LRBA: variants seen among roughly 807,000 people sequenced by gnomAD.
The protein encoded by LRBA is LPS responsive beige-like anchor protein.
In LRBA, 176 loss-of-function variants were observed where a neutral mutation model predicts 330.0. That is an observed-to-expected ratio of 0.53 (90% CI 0.47 to 0.60). The LOEUF (loss-of-function observed/expected upper bound fraction) is 0.60, where lower values mean the gene tolerates loss of function less well. Ranked by LOEUF, LRBA falls within the 20% of genes least tolerant of loss-of-function variation. The pLI, the probability that LRBA is intolerant of heterozygous loss-of-function variation, is 0.00. For synonymous variants in LRBA, 1,230 were observed against 1,193.0 expected (o/e 1.03, Z -0.64); for missense variants, 3,259 against 3,444.8 (o/e 0.95, Z 1.35).
At chr4:150,915,011 G>A (rs933275166) in intron 8 of LRBA, among the ~76,000 whole-genome samples, 1 of 152,098 alleles carries the variant, frequency 6.6e-6, no homozygotes, top group African/African-American at 2.4e-5. Context: ...AAGTCTGTCT[G>A]ATTCAAGACC....
At chr4:150,848,562 G>GAAAAA (rs9331496) in intron 26 of LRBA, among the ~76,000 whole-genome samples, 2 of 120,044 alleles carry the variant, frequency 1.7e-5, no homozygotes, top group African/African-American at 3.2e-5. Context: ...GGAGAAAAAA[G>GAAAAA]AAAAAAAAAA....
In LRBA at chr4:150,928,527, T is replaced by C; in HGVS notation, c.538A>G (p.Lys180Glu). The change falls in exon 4 of 57, where the codon AAA becomes GAA. Residue 180 changes from lysine to glutamate, a missense_variant. Physicochemically the swap from Lys to Glu is moderately conservative, Grantham distance 56. Coordinates refer to ENST00000651943, the MANE Select transcript of LRBA (RefSeq NM_001364905.1). ...KLFFSKLQGDKGRWPPHAGKL... is the reference protein window; with the variant it reads ...KLFFSKLQGDEGRWPPHAGKL... Reference sequence around the variant, plus strand: ...TTAAGTTTTTTTACCCATCGTCCTTTATCTCCTTGAAGTTTACTGAAGAAA... The same window carrying C: ...TTAAGTTTTTTTACCCATCGTCCTTCATCTCCTTGAAGTTTACTGAAGAAA... The C allele has an allele frequency of 6.2e-7, 1 of 1,613,044 alleles. No homozygotes were observed. Among genetic ancestry groups the C allele is most frequent in the Non-Finnish European group, 8.5e-7 (1 of 1,179,314 alleles).
At chr4:150,607,349 G>A (rs1299535278) in intron 37 of LRBA, among the ~76,000 whole-genome samples, 1 of 152,016 alleles carries the variant, frequency 6.6e-6, no homozygotes, top group African/African-American at 2.4e-5. Flanking sequence ...CATATCTGAG[G>A]TAGAATAGAT....
At chr4:150,469,912 G>C (rs1354516639) in intron 43 of LRBA, among the ~76,000 whole-genome samples, 1 of 152,184 alleles carries the variant, frequency 6.6e-6, no homozygotes, top group Non-Finnish European at 1.5e-5. Flanking sequence ...GCAGGGCGTG[G>C]TGGCTCACGC....
intron 46 of LRBA, 83 bp downstream of exon 46, chr4:150,435,506 T>C (rs148266407): frequency 2.3e-6 from 3 of 1,290,980 alleles, no homozygotes; most frequent in Non-Finnish European, 2.2e-6. Context: ...AATAGGGCTG[T>C]ATGGCAGTAG....
chr4:150,850,943 T>A, intron 23 of LRBA, 41 bp from the exon 24 acceptor site: 1 of 1,438,992 alleles, frequency 6.9e-7, no homozygotes, highest in Non-Finnish European at 9.6e-7. Context: ...AGGTTCAACT[T>A]CAGCAGGAGG....
At chr4:150,294,929 GAC>G (rs1728780617) in intron 53 of LRBA, among the ~76,000 whole-genome samples, 1 of 151,864 alleles carries the variant, frequency 6.6e-6, no homozygotes, top group African/African-American at 2.4e-5. Context: ...CCAGCCTGGT[GAC>G]AGAGAGATAC....
At chr4:150,335,432 T>C (rs950858191) in intron 48 of LRBA, among the ~76,000 whole-genome samples, 7 of 148,948 alleles carry the variant, frequency 4.7e-5, no homozygotes, top group South Asian at 2.1e-4. Flanking sequence ...CATATATACA[T>C]ATATATATAC....
intron 2 of LRBA, among the ~76,000 whole-genome samples, chr4:150,989,569 C>T (rs1179940934): frequency 1.3e-5 from 2 of 152,000 alleles, no homozygotes; most frequent in African/African-American, 2.4e-5. Context: ...GCCGAGATCA[C>T]GCCACTGCAC....
intron 47 of LRBA, among the ~76,000 whole-genome samples, chr4:150,412,719 G>A (rs546974572): frequency 5.3e-5 from 8 of 151,826 alleles, no homozygotes; most frequent in African/African-American, 1.7e-4. Flanking sequence ...ACAGAAAACC[G>A]ATTCCCTTGA....
chr4:150,582,376 C>T (rs1311851776), intron 40 of LRBA: 1 of 151,884 alleles, frequency 6.6e-6, no homozygotes, highest in Non-Finnish European at 1.5e-5. Flanking sequence ...ACGAGACCAA[C>T]ACGCTGAGAC....
intron 2 of LRBA, among the ~76,000 whole-genome samples, chr4:150,939,944 C>T (rs1373892180): frequency 6.6e-6 from 1 of 152,060 alleles, no homozygotes; most frequent in Non-Finnish European, 1.5e-5. Flanking sequence ...CAAGGTAACA[C>T]ACTGAACTTA....
At chr4:150,875,012 G>T (rs1192672372) in intron 17 of LRBA, among the ~76,000 whole-genome samples, 1 of 151,956 alleles carries the variant, frequency 6.6e-6, no homozygotes, top group Non-Finnish European at 1.5e-5. Flanking sequence ...AGCAGCCTGA[G>T]TCACCTCACC....
chr4:150,490,677 T>C (rs1758797187), intron 41 of LRBA, among the ~76,000 whole-genome samples: 1 of 151,830 alleles, frequency 6.6e-6, no homozygotes. Context: ...TTCCTTATGT[T>C]TATAAAGCCT....
chr4:150,795,066 A>C (rs1385235056), intron 34 of LRBA, among the ~76,000 whole-genome samples: 2 of 152,118 alleles, frequency 1.3e-5, no homozygotes, highest in Non-Finnish European at 2.9e-5. Flanking sequence ...GCACAGTCAT[A>C]AATTTAGCTT....
intron 40 of LRBA, among the ~76,000 whole-genome samples, chr4:150,497,462 C>A (rs562214639): frequency 6.6e-6 from 1 of 152,138 alleles, no homozygotes; most frequent in East Asian, 1.9e-4. Flanking sequence ...CTTCAACAAA[C>A]AACAAAAATG....
chr4:150,304,125 C>T (rs1334574576), intron 52 of LRBA, among the ~76,000 whole-genome samples: 1 of 151,640 alleles, frequency 6.6e-6, no homozygotes, highest in East Asian at 1.9e-4. Context: ...TTCCGATGTT[C>T]AAGAAAAAAA....
At chr4:150,782,436 T>C (rs988346352) in intron 34 of LRBA, among the ~76,000 whole-genome samples, 2 of 152,216 alleles carry the variant, frequency 1.3e-5, no homozygotes, top group African/African-American at 4.8e-5. Flanking sequence ...AAAGTATCAG[T>C]AGAGCCATTC....
chr4:150,467,939 A>G (rs1755638935), intron 43 of LRBA, among the ~76,000 whole-genome samples, 154 bp from the exon 44 acceptor site: 2 of 152,014 alleles, frequency 1.3e-5, no homozygotes, highest in Admixed American at 6.6e-5. Flanking sequence ...CCTCACAACA[A>G]TCCTATGAAA....
Sources: allele counts gnomAD v4.1 joint callset (sites outside exome capture counted in the v4.1 genomes callset), GRCh38; gene constraint gnomAD v4.1.1; transcripts MANE v1.5; gene names NCBI Gene and HGNC (gene_info 2026-07-23, HGNC 2026-07-21).